Variants in CCDC83 observed in about 807,000 individuals in gnomAD.
CCDC83 encodes coiled-coil domain-containing protein 83.
Under a neutral mutation model 50.1 loss-of-function variants are expected in CCDC83, and 54 were observed. The observed-to-expected ratio is 1.08, with a 90% confidence interval of 0.87 to 1.35. CCDC83 has a LOEUF of 1.35. Among genes scored for constraint, CCDC83 ranks in the 40% most tolerant of loss-of-function variants. The pLI, the probability that CCDC83 is intolerant of heterozygous loss-of-function variation, is 0.00. For synonymous variants in CCDC83, 161 were observed against 153.3 expected (o/e 1.05, Z -0.37); for missense variants, 518 against 473.9 (o/e 1.09, Z -0.86).
At chr11:85,895,258 A>AATTTT in intron 5 of CCDC83, 35 bp from the exon 6 acceptor site, 1 of 985,176 alleles carries the variant, frequency 1.0e-6, no homozygotes, top group Non-Finnish European at 1.4e-6. Flanking sequence ...TAAGGCTTTT[A>AATTTT]ATTTTCTTTT....
intron 8 of CCDC83, 24 bp from the exon 9 acceptor site, chr11:85,915,395 T>C: frequency 1.3e-6 from 2 of 1,546,716 alleles, no homozygotes; most frequent in Non-Finnish European, 1.8e-6. Flanking sequence ...ACTGACAGAT[T>C]GTTTTTCTCA....
intron 3 of CCDC83, among the ~76,000 whole-genome samples, chr11:85,878,666 A>G (rs1459529564): frequency 6.6e-6 from 1 of 152,242 alleles, no homozygotes; most frequent in African/African-American, 2.4e-5. Flanking sequence ...TTTAAGAACA[A>G]AAGTTTTCAT....
At chr11:85,861,689 A>G (rs2093176764) in intron 1 of CCDC83, among the ~76,000 whole-genome samples, 2 of 152,108 alleles carry the variant, frequency 1.3e-5, no homozygotes, top group African/African-American at 4.8e-5. Context: ...GCTTCTGGAT[A>G]TTCACGCCTT....
intron 1 of CCDC83, among the ~76,000 whole-genome samples, chr11:85,856,710 T>A (rs2093143514): frequency 6.6e-6 from 1 of 152,230 alleles, no homozygotes; most frequent in South Asian, 2.1e-4. Flanking sequence ...CATCTAGATA[T>A]TTTTAAATAC....
At chr11:85,912,899 T>C (rs1193102379) in intron 8 of CCDC83, among the ~76,000 whole-genome samples, 1 of 152,192 alleles carries the variant, frequency 6.6e-6, no homozygotes, top group Non-Finnish European at 1.5e-5. Context: ...TCTGACATGG[T>C]TGTAAAGTGC....
intron 6 of CCDC83, among the ~76,000 whole-genome samples, chr11:85,896,167 C>G (rs995988116): frequency 1.3e-5 from 2 of 152,106 alleles, no homozygotes; most frequent in African/African-American, 4.8e-5. Flanking sequence ...TGGCACACTC[C>G]TGCAATCCCA....
chr11:85,911,175 T>TA (rs368467157), intron 7 of CCDC83, 106 bp from the exon 8 acceptor site: 45,955 of 659,216 alleles, frequency 0.07, 21 homozygotes, highest in East Asian at 0.12. Context: ...CCGTCTCAAA[T>TA]AAAAAAAAAA....
chr11:85,872,454 C>T (rs1002126309), intron 2 of CCDC83, among the ~76,000 whole-genome samples: 2 of 152,102 alleles, frequency 1.3e-5, no homozygotes, highest in African/African-American at 2.4e-5. Context: ...AACTGCACTC[C>T]AGCCTGGGCG....
At chr11:85,873,608 A>T (rs139414828) in intron 3 of CCDC83, among the ~76,000 whole-genome samples, 2 of 152,282 alleles carry the variant, frequency 1.3e-5, no homozygotes, top group African/African-American at 4.8e-5. Flanking sequence ...ATTTAACCAA[A>T]CCATAAAACA....
chr11:85,911,447 T>G, intron 8 of CCDC83, 45 bp downstream of exon 8: 3 of 1,481,082 alleles, frequency 2.0e-6, no homozygotes, highest in Non-Finnish European at 2.7e-6. Flanking sequence ...AACATTTGTA[T>G]CTGCTGTAAA....
At chr11:85,918,082 G>A (rs1050199440) in intron 10 of CCDC83, 4 of 152,146 alleles carry the variant, frequency 2.6e-5, no homozygotes, top group Non-Finnish European at 5.9e-5. Flanking sequence ...TATGTATTTT[G>A]AGAAATAAGA....
chr11:85,913,707 CATAG>C (rs2135144853), intron 8 of CCDC83, among the ~76,000 whole-genome samples: 1 of 152,318 alleles, frequency 6.6e-6, no homozygotes, highest in African/African-American at 2.4e-5. Flanking sequence ...TCTCAACTCA[CATAG>C]AATGTCATAG....
At chr11:85,881,376 C>G (rs570220054) in intron 3 of CCDC83, among the ~76,000 whole-genome samples, 29 of 149,180 alleles carry the variant, frequency 1.9e-4, no homozygotes, top group African/African-American at 5.4e-4. Context: ...CCATCCCCCC[C>G]CAAAAAAAAA....
Position 85,917,720 on chromosome 11 carries a change from C to G in CCDC83, c.1080+1487C>G, listed in dbSNP as rs574519960. 5.3e-5 allele frequency among the ~76,000 whole-genome samples: 8 copies of G among 152,260 alleles called. 1 individual carries two copies. The South Asian group carries it at 1.0e-3, about 20-fold the overall frequency. On this transcript the variant is annotated intron_variant, in intron 10 of 10. Coordinates refer to ENST00000342404, the MANE Select transcript of CCDC83 (RefSeq NM_001286159.2). ...AACCAACACAAACCATTTTAACTAACTACAATTCAATCCTGCTGCCATCAA... is the reference window on the plus strand; with the variant it reads ...AACCAACACAAACCATTTTAACTAAGTACAATTCAATCCTGCTGCCATCAA...
chr11:85,897,580 T>G (rs2093381176), intron 6 of CCDC83, among the ~76,000 whole-genome samples: 1 of 152,146 alleles, frequency 6.6e-6, no homozygotes, highest in African/African-American at 2.4e-5. Context: ...CCTGGGATGT[T>G]GTGTGGGCTT....
At chr11:85,874,399 A>G (rs1184087470) in intron 3 of CCDC83, among the ~76,000 whole-genome samples, 1 of 152,196 alleles carries the variant, frequency 6.6e-6, no homozygotes. Flanking sequence ...TGTGGAAAGT[A>G]AAACAAATCA....
chr11:85,906,073 T>TC (rs2093424629), intron 7 of CCDC83, among the ~76,000 whole-genome samples: 1 of 146,320 alleles, frequency 6.8e-6, no homozygotes, highest in Non-Finnish European at 1.5e-5. Context: ...CAATTCTCTC[T>TC]TTTTTTTTTT....
At chr11:85,895,541 C>A (rs527753492) in intron 6 of CCDC83, among the ~76,000 whole-genome samples, 157 bp downstream of exon 6, 1 of 151,722 alleles carries the variant, frequency 6.6e-6, no homozygotes, top group African/African-American at 2.4e-5. Flanking sequence ...AAGTTTTGAA[C>A]GATTTATAAA....
intron 6 of CCDC83, among the ~76,000 whole-genome samples, chr11:85,896,429 C>G (rs940563947): frequency 8.0e-6 from 1 of 125,212 alleles, no homozygotes; most frequent in Non-Finnish European, 1.7e-5. Flanking sequence ...AAAAAAAAAC[C>G]AAAAAACTGA....
Sources: gnomAD v4.1 joint callset for allele counts (sites outside exome capture counted in the v4.1 genomes callset) on GRCh38, gnomAD v4.1.1 for gene constraint, MANE v1.5 for transcripts, NCBI Gene and HGNC (gene_info 2026-07-23, HGNC 2026-07-21) for gene names.